Variants in CAPN2 observed in about 807,000 individuals in gnomAD.
CAPN2 encodes the protein calpain-2 catalytic subunit.
In CAPN2, 92 loss-of-function variants were observed where a neutral mutation model predicts 102.3. That is an observed-to-expected ratio of 0.90 (90% CI 0.76 to 1.07). The LOEUF is 1.07. CAPN2 is among the 50% of genes least tolerant of loss of function. The probability of loss-of-function intolerance (pLI) is 0.00; values close to 1 mark genes in which losing one functional copy is unlikely to be tolerated. For synonymous variants in CAPN2, 340 were observed against 355.4 expected (o/e 0.96, Z 0.49); for missense variants, 800 against 909.4 (o/e 0.88, Z 1.55).
chr1:223,755,719 C>A lies in CAPN2; in HGVS notation c.1305+70C>A, dbSNP rs1153959. The A allele has an allele frequency of 2.1e-5, 30 of 1,408,810 alleles. No homozygotes were observed. In the African/African-American group the frequency reaches 3.8e-4, roughly 18 times the overall value. The allele number at this position is 1,408,810 out of a possible 1,614,324, so 87.3% of individuals were successfully genotyped here. ...TCTCAGCCCCTGCATGGAAAGCTGACCCCAGAGGCAGAACTGGGGATGGGA... is the reference window on the plus strand; with the variant it reads ...TCTCAGCCCCTGCATGGAAAGCTGAACCCAGAGGCAGAACTGGGGATGGGA... On this transcript the variant is annotated intron_variant, in intron 10 of 20. Coordinates refer to ENST00000295006, the MANE Select transcript of CAPN2 (RefSeq NM_001748.5). This position sits in a 1 kb window ranked among gnomAD's most constrained non-coding sequence, Gnocchi z 4.1.
chr1:223,747,140 G>A lies in CAPN2; in HGVS notation c.704G>A (p.Gly235Asp), dbSNP rs769768965. ...ATCATCCAGAAAGCTCTGCAAAAAG[G>A]CTCTCTCCTTGGCTGCTCCATCGAC... is the stretch of plus-strand genomic sequence containing the variant. The part of the protein sequence containing the change: ...FKIIQKALQK[G>D]SLLGCSIDIT... The change falls in exon 5 of 21, where the codon GGC becomes GAC. Residue 235 changes from glycine (G) to aspartate (D), a missense_variant. Gly to Asp is a moderately conservative substitution (Grantham distance 94). Coordinates refer to ENST00000295006, the MANE Select transcript of CAPN2 (RefSeq NM_001748.5). 1 of 1,613,732 alleles carries A rather than the reference G, an allele frequency of 6.2e-7. No individual in the cohort carries two copies. The highest frequency in any genetic ancestry group is 1.7e-5 in the Admixed American group (1 of 60,008).
At chr1:223,748,911 C>T (rs28370064) in intron 5 of CAPN2, 128 bp from the exon 6 acceptor site, 2 of 799,952 alleles carry the variant, frequency 2.5e-6, no homozygotes, top group African/African-American at 1.7e-5. Flanking sequence ...CTGAGCCTCC[C>T]ACCCCAGGCC....
upstream of CAPN2, among the ~76,000 whole-genome samples, chr1:223,708,284 A>G (rs536922983): frequency 2.0e-5 from 3 of 152,288 alleles, no homozygotes; most frequent in African/African-American, 7.2e-5. Context: ...CTTGCAAACC[A>G]GAGATGGAGG....
rs1433021634 is a variant in CAPN2 at position 223,757,362 on chromosome 1, T to C, written c.1306-7T>C. 8 of 1,614,062 alleles carry C rather than the reference T, an allele frequency of 5.0e-6. No homozygotes were observed. The highest frequency in any genetic ancestry group is 1.1e-5 in the South Asian group (1 of 91,078). On this transcript the variant is annotated splice_polypyrimidine_tract_variant and splice_region_variant and intron_variant, in intron 10 of 20. Transcript: ENST00000295006. Reference sequence around the variant, plus strand: ...GGCATCTGAATTGCATCTCCTTTATTTTGCAGGTTCCAGAGGAGGTACGTC... The same window carrying C: ...GGCATCTGAATTGCATCTCCTTTATCTTGCAGGTTCCAGAGGAGGTACGTC...
intron 19 of CAPN2, 56 bp from the exon 20 acceptor site, chr1:223,772,125 A>T: frequency 1.3e-6 from 2 of 1,500,164 alleles, no homozygotes; most frequent in Non-Finnish European, 1.9e-6. Context: ...AAAAGAGGAT[A>T]ATGTGATCTG....
At chr1:223,746,365 C>T (rs756749335) in intron 4 of CAPN2, among the ~76,000 whole-genome samples, 3 of 151,692 alleles carry the variant, frequency 2.0e-5, no homozygotes, top group East Asian at 3.9e-4. Context: ...CAATGCCAAA[C>T]GACCCATTAG....
chr1:223,707,702 G>C (rs1299678133), upstream of CAPN2, among the ~76,000 whole-genome samples: 1 of 152,244 alleles, frequency 6.6e-6, no homozygotes, highest in Non-Finnish European at 1.5e-5. Context: ...GGAGTGGCCA[G>C]GGCTGCACCA....
intron 3 of CAPN2, 138 bp from the exon 4 acceptor site, chr1:223,745,166 TTA>T: frequency 9.2e-7 from 1 of 1,086,258 alleles, no homozygotes. Context: ...CATAGGAGAG[TTA>T]AGGGAGCACC....
At chr1:223,719,109 C>T (rs1659960292) in intron 2 of CAPN2, among the ~76,000 whole-genome samples, 1 of 152,212 alleles carries the variant, frequency 6.6e-6, no homozygotes, top group Non-Finnish European at 1.5e-5. Context: ...ACACTCCTTT[C>T]ATTTCTTTTC....
Position 223,759,005 on chromosome 1 carries a change from AT to A in CAPN2, c.1318-264del. 1 of 478,356 alleles carries A rather than the reference AT, an allele frequency of 2.1e-6. No individual in the cohort carries two copies. Among genetic ancestry groups the A allele is most frequent in the Non-Finnish European group, 3.8e-6 (1 of 261,266 alleles). The allele number at this position is 478,356 out of a possible 1,614,324, so 29.6% of individuals were successfully genotyped here. A position where few individuals can be genotyped will look rare whatever the true frequency, so the allele number is the denominator to read the frequency against. On this transcript the variant is annotated intron_variant, in intron 11 of 20. Transcript: ENST00000295006. The surrounding 1 kb of genome is among the most constrained non-coding windows in gnomAD (Gnocchi z 4.6). The stretch of plus-strand genomic sequence containing the variant: ...CACACCTAACAAAAGTTTGCTTTTT[AT>A]CTAAAATGACCCAGGCATTGTCACT...
intron 1 of CAPN2, among the ~76,000 whole-genome samples, chr1:223,716,364 C>G (rs1659874119): frequency 6.6e-6 from 1 of 152,160 alleles, no homozygotes; most frequent in Non-Finnish European, 1.5e-5. Context: ...AGCACCAAGC[C>G]CAATCTATTC....
chr1:223,723,765 G>A (rs1299632458), intron 2 of CAPN2, among the ~76,000 whole-genome samples: 2 of 151,656 alleles, frequency 1.3e-5, no homozygotes, highest in Admixed American at 6.6e-5. Context: ...TGGTACCCAC[G>A]GTCTCCAGCT....
At chr1:223,720,911 G>A (rs185740506) in intron 2 of CAPN2, among the ~76,000 whole-genome samples, 147 of 152,212 alleles carry the variant, frequency 9.7e-4, no homozygotes, top group Non-Finnish European at 1.7e-3. Context: ...GCTGTGCTGA[G>A]GAACCATTCT....
At chr1:223,750,275 G>A (rs1351702946) in intron 6 of CAPN2, among the ~76,000 whole-genome samples, 2 of 151,970 alleles carry the variant, frequency 1.3e-5, no homozygotes, top group Non-Finnish European at 2.9e-5. Context: ...CACTTTTTTT[G>A]AGCCATATGA....
At chr1:223,730,914 G>A (rs957020046) in intron 2 of CAPN2, among the ~76,000 whole-genome samples, 9 of 152,194 alleles carry the variant, frequency 5.9e-5, no homozygotes, top group Admixed American at 5.9e-4. Context: ...ATGTAACCCC[G>A]TTGTAAGTTA....
intron 13 of CAPN2, among the ~76,000 whole-genome samples, 184 bp from the exon 14 acceptor site, chr1:223,762,002 G>GA (rs551860190): frequency 1.9e-3 from 239 of 127,414 alleles, no homozygotes; most frequent in African/African-American, 6.0e-3. Flanking sequence ...GTTTTAATTA[G>GA]AAAAAAAAAA....
chr1:223,722,479 T>TG (rs1011924005), intron 2 of CAPN2, among the ~76,000 whole-genome samples: 7 of 151,574 alleles, frequency 4.6e-5, no homozygotes, highest in Non-Finnish European at 7.4e-5. Flanking sequence ...TGTGTGGAGA[T>TG]GGGGTCTCAC....
intron 1 of CAPN2, among the ~76,000 whole-genome samples, chr1:223,707,440 T>C (rs554038386): frequency 2.6e-5 from 4 of 152,294 alleles, no homozygotes; most frequent in African/African-American, 9.6e-5. Flanking sequence ...TGTCCTTGTG[T>C]TCCCGTGAAA....
intron 5 of CAPN2, 25 bp downstream of exon 5, chr1:223,747,190 C>A: frequency 6.3e-7 from 1 of 1,587,848 alleles, no homozygotes; most frequent in South Asian, 1.1e-5. Flanking sequence ...CCTTCCCTAG[C>A]CTCACCCCAT....
Sources: allele counts gnomAD v4.1 joint callset (sites outside exome capture counted in the v4.1 genomes callset), GRCh38; gene constraint gnomAD v4.1.1; non-coding constraint Gnocchi (gnomAD v3.1); transcripts MANE v1.5; gene names NCBI Gene and HGNC (gene_info 2026-07-23, HGNC 2026-07-21).